CTNNBIP1: variants seen among roughly 807,000 people sequenced by gnomAD.
CTNNBIP1 encodes beta-catenin-interacting protein 1.
A neutral mutation model predicts 11.8 loss-of-function variants in CTNNBIP1; 7 were observed. The ratio of observed to expected loss-of-function variants is 0.60; its 90% CI spans 0.34 to 1.12. The LOEUF is 1.12. Among genes scored for constraint, CTNNBIP1 ranks in the 50% most tolerant of loss-of-function variants. CTNNBIP1 has a pLI of 0.03. For missense variants in CTNNBIP1, 101 were observed against 113.4 expected, an observed-to-expected ratio of 0.89 and a Z score of 0.50; for synonymous variants, 58 against 43.9, an observed-to-expected ratio of 1.32 and a Z score of -1.26.
At position 9,851,939 on chromosome 1, in the gene CTNNBIP1, C is replaced by T. The variant is rs1180058495; in HGVS notation, c.188-1163G>A. Among the ~76,000 whole-genome samples the T allele has an allele frequency of 6.6e-6, 1 of 152,196 alleles. No homozygotes were observed. The highest frequency in any genetic ancestry group is 1.5e-5 in the Non-Finnish European group (1 of 68,036). On this transcript the variant is annotated intron_variant, in intron 5 of 5. Coordinates refer to ENST00000377263, the MANE Select transcript of CTNNBIP1 (RefSeq NM_020248.3). The surrounding 1 kb of genome is among the most constrained non-coding windows in gnomAD (Gnocchi z 4.8). ...CCTGACCCTGTCCTGCTGCTCTCAC[C>T]CCCTTTGTAAAAGGCCAGATCTTCA...
intron 5 of CTNNBIP1, 52 bp from the exon 6 acceptor site, chr1:9,850,828 G>A (rs929204448): frequency 1.5e-5 from 23 of 1,566,146 alleles, no homozygotes; most frequent in Non-Finnish European, 1.9e-5. Context: ...ATTGGCTTGC[G>A]AACAGGACAA....
In CTNNBIP1 at chr1:9,883,131, AGGTCAG is replaced by A. The variant is rs1385281760; in HGVS notation, c.-110+568_-110+573del. On this transcript the variant is annotated intron_variant, in intron 2 of 5. Transcript: ENST00000377263. This position sits in a 1 kb window ranked among gnomAD's most constrained non-coding sequence, Gnocchi z 5.6. ...CAGCAGCGGGACGGCGCAGGAGGGT[AGGTCAG>A]GGACCGGGGGAGCCTCTCTCTGGAA... Among the ~76,000 whole-genome samples the A allele has an allele frequency of 6.6e-6, 1 of 152,086 alleles. No homozygotes were observed. The highest frequency in any genetic ancestry group is 6.5e-5 in the Admixed American group (1 of 15,280).
intron 3 of CTNNBIP1, among the ~76,000 whole-genome samples, chr1:9,874,425 T>C (rs1638923855): frequency 6.6e-6 from 1 of 152,170 alleles, no homozygotes; most frequent in Admixed American, 6.5e-5. Context: ...CTGCCACTTT[T>C]AAATTTTTTT....
chr1:9,904,486 A>G (rs1315373611), intron 1 of CTNNBIP1, among the ~76,000 whole-genome samples: 2 of 152,092 alleles, frequency 1.3e-5, no homozygotes. Context: ...CCCAGATGAA[A>G]GACAACCAAT....
intron 5 of CTNNBIP1, among the ~76,000 whole-genome samples, chr1:9,868,755 G>A (rs114191011): frequency 1.1e-3 from 161 of 152,144 alleles, no homozygotes; most frequent in African/African-American, 3.7e-3. Flanking sequence ...AATCTCCCAA[G>A]TAGCTGGGTA....
Position 9,876,845 on chromosome 1 carries a change from T to TACACACACACAC in CTNNBIP1, c.-25+1048_-25+1059dup, listed in dbSNP as rs34192085. Among the ~76,000 whole-genome samples the TACACACACACAC allele has an allele frequency of 8.2e-3, 1,130 of 138,186 alleles. 6 individuals are homozygous for TACACACACACAC. The highest frequency in any genetic ancestry group is 0.013 in the Non-Finnish European group (799 of 62,482). 90.7% of individuals were successfully genotyped at this position (138,186 alleles called of 152,430 possible). A position where few individuals can be genotyped will look rare whatever the true frequency, so the allele number is the denominator to read the frequency against. On this transcript the variant is annotated intron_variant, in intron 3 of 5. Transcript: ENST00000377263. ...CACAGAGACACACTCCTGCTATACATACACACACACACACACACACACACA... is the reference window on the plus strand; with the variant it reads ...CACAGAGACACACTCCTGCTATACATACACACACACACACACACACACACACACACACACACA...
At chr1:9,877,079 C>T (rs754546954) in intron 3 of CTNNBIP1, among the ~76,000 whole-genome samples, 1 of 152,214 alleles carries the variant, frequency 6.6e-6, no homozygotes, top group Non-Finnish European at 1.5e-5. Flanking sequence ...ACACTTCTTC[C>T]CAGCCTTTGC....
rs1296886707 is a variant in CTNNBIP1 at position 9,850,566 on chromosome 1, C to T, written c.*152G>A. 1 of 675,622 alleles carries T rather than the reference C, an allele frequency of 1.5e-6. No homozygotes were observed. Among genetic ancestry groups the T allele is most frequent in the Non-Finnish European group, 2.7e-6 (1 of 368,962 alleles). 41.9% of individuals were successfully genotyped at this position (675,622 alleles called of 1,614,324 possible). A position where few individuals can be genotyped will look rare whatever the true frequency, so the allele number is the denominator to read the frequency against. On this transcript the variant is annotated 3_prime_UTR_variant, in exon 6 of 6. Coordinates refer to ENST00000377263, the MANE Select transcript of CTNNBIP1 (RefSeq NM_020248.3). Reference sequence around the variant, plus strand: ...GGTGTCTCCCTTGATGCCAGCCCCACTGAGTAGCTGTGAGGTGGGGTGGGG... The same window carrying T: ...GGTGTCTCCCTTGATGCCAGCCCCATTGAGTAGCTGTGAGGTGGGGTGGGG...
intron 1 of CTNNBIP1, among the ~76,000 whole-genome samples, chr1:9,908,052 A>C (rs558652783): frequency 6.6e-6 from 1 of 152,286 alleles, no homozygotes; most frequent in Non-Finnish European, 1.5e-5. Flanking sequence ...TTTGATCTAC[A>C]GGTTCTTTTT....
intron 1 of CTNNBIP1, among the ~76,000 whole-genome samples, chr1:9,901,475 CA>C (rs1639521075): frequency 6.6e-6 from 1 of 152,190 alleles, no homozygotes; most frequent in African/African-American, 2.4e-5. Context: ...TCTAGGACTT[CA>C]GGGGTGGTAA....
intron 1 of CTNNBIP1, among the ~76,000 whole-genome samples, chr1:9,892,421 A>G (rs1284529628): frequency 3.6e-5 from 4 of 112,424 alleles, no homozygotes; most frequent in Admixed American, 1.6e-4. Flanking sequence ...GACTCCGTCT[A>G]AAAAAAAAAA....
chr1:9,904,324 G>GACA (rs3064809), intron 1 of CTNNBIP1, among the ~76,000 whole-genome samples: 24,393 of 151,906 alleles, frequency 0.16, 5,515 homozygotes, highest in African/African-American at 0.5. Context: ...TGGCATCGTG[G>GACA]ACAACTGATG....
intron 1 of CTNNBIP1, among the ~76,000 whole-genome samples, chr1:9,901,949 C>T (rs553120274): frequency 2.0e-5 from 3 of 152,330 alleles, no homozygotes; most frequent in South Asian, 2.1e-4. Flanking sequence ...GTGGCTGCCT[C>T]TGCCAGCCCT....
chr1:9,888,262 C>CA (rs1324184587), intron 1 of CTNNBIP1, among the ~76,000 whole-genome samples: 9 of 150,070 alleles, frequency 6.0e-5, no homozygotes. Flanking sequence ...CCCATCTCTA[C>CA]AAAAAATAAA....
intron 5 of CTNNBIP1, among the ~76,000 whole-genome samples, chr1:9,852,628 G>A (rs1393464309): frequency 6.6e-6 from 1 of 152,230 alleles, no homozygotes; most frequent in African/African-American, 2.4e-5. Context: ...CACGGCAGCT[G>A]AGTTGGTTAC....
chr1:9,850,717 G>C lies in CTNNBIP1; in HGVS notation c.*1C>G, dbSNP rs1274090967. On this transcript the variant is annotated 3_prime_UTR_variant, in exon 6 of 6. Transcript: ENST00000377263. ...TCCAGGGTGTTCCAAGGGCTTTGCA[G>C]CTACTGCCTCCGGTCTTCCGTCTCC... The C allele has an allele frequency of 1.9e-6, 3 of 1,613,706 alleles. No homozygotes were observed. Among genetic ancestry groups the C allele is most frequent in the Non-Finnish European group, 2.5e-6 (3 of 1,179,774 alleles).
intron 5 of CTNNBIP1, among the ~76,000 whole-genome samples, chr1:9,864,506 T>C (rs1460728506): frequency 6.6e-6 from 1 of 152,150 alleles, no homozygotes; most frequent in African/African-American, 2.4e-5. Flanking sequence ...TTTTTTGTAT[T>C]TTTAGTAGAG....
chr1:9,881,590 C>A (rs1031356864), intron 2 of CTNNBIP1, among the ~76,000 whole-genome samples: 1 of 151,952 alleles, frequency 6.6e-6, no homozygotes, highest in Non-Finnish European at 1.5e-5. Flanking sequence ...CCGCCCGCCT[C>A]AGTCTCCCAA....
chr1:9,887,783 T>G (rs187342835), intron 1 of CTNNBIP1, among the ~76,000 whole-genome samples: 1 of 152,126 alleles, frequency 6.6e-6, no homozygotes, highest in East Asian at 1.9e-4. Flanking sequence ...CAATCAGAGA[T>G]TAATTCGAAA....
Sources: allele counts gnomAD v4.1 joint callset (sites outside exome capture counted in the v4.1 genomes callset), GRCh38; gene constraint gnomAD v4.1.1; non-coding constraint Gnocchi (gnomAD v3.1); transcripts MANE v1.5; gene names NCBI Gene and HGNC (gene_info 2026-07-23, HGNC 2026-07-21).